ATM: variants seen among roughly 807,000 people sequenced by gnomAD.
ATM encodes serine-protein kinase ATM.
A neutral mutation model predicts 387.0 loss-of-function variants in ATM; 308 were observed. That is an observed-to-expected ratio of 0.80 (90% CI 0.73 to 0.87). The LOEUF (loss-of-function observed/expected upper bound fraction) is 0.87, where lower values mean the gene tolerates loss of function less well. ATM is among the 40% of genes least tolerant of loss of function. ATM has a pLI of 0.00. For missense variants in ATM, 3,312 were observed against 3,560.9 expected (o/e 0.93, Z 1.78); for synonymous variants, 1,156 against 1,187.3 (o/e 0.97, Z 0.54).
intron 4 of ATM, among the ~76,000 whole-genome samples, chr11:108,232,311 C>CT (rs2079053434): frequency 6.6e-6 from 1 of 152,072 alleles, no homozygotes; most frequent in South Asian, 2.1e-4. Flanking sequence ...CAGGGAGTTA[C>CT]TATTCCCTCA....
Position 108,335,945 on chromosome 11 carries a change from C to T in ATM, c.8252C>T (p.Thr2751Ile). The T allele has an allele frequency of 6.2e-7, 1 of 1,609,342 alleles. No homozygotes were observed. The highest frequency in any genetic ancestry group is 1.1e-5 in the South Asian group (1 of 90,972). ...RNTETRKRKLTICTYKVVPLS... is the reference protein window; with the variant it reads ...RNTETRKRKLIICTYKVVPLS... ...ACGGAAACTAGGAAGAGGAAATTAA[C>T]TATCTGTACTTATAAGGTAACTATT... Residue 2751 changes from threonine to isoleucine, a missense_variant, in exon 56 of 63, where the codon ACT (threonine) becomes ATT (isoleucine). By Grantham distance (89) the Thr-to-Ile change is moderately conservative. Coordinates refer to ENST00000675843, the MANE Select transcript of ATM (RefSeq NM_000051.4).
rs1555110591 is a variant in ATM at position 108,310,315 on chromosome 11, G to A, written c.5918G>A (p.Arg1973Lys). Residue 1973 changes from arginine (R) to lysine (K), a missense_variant and splice_region_variant, in exon 39 of 63, where the codon AGA becomes AAA. By Grantham distance (26) the Arg-to-Lys change is conservative (BLOSUM62 2). Transcript: ENST00000675843. ...DKKSMDDQEKRSLAFEEGSQS... is the reference protein window; with the variant it reads ...DKKSMDDQEKKSLAFEEGSQS... ...AAAAGTATGGATGATCAAGAGAAAA[G>A]GTAATGGAATTTAGAATTTTTGGTT... 1.2e-6 allele frequency: 2 copies of A among 1,612,370 alleles called. No homozygotes were observed. The highest frequency in any genetic ancestry group is 2.2e-5 in the East Asian group (1 of 44,746).
At position 108,235,852 on chromosome 11, in the gene ATM, T is replaced by A. The variant is rs762171014; in HGVS notation, c.496+18T>A. 2.6e-5 allele frequency: 42 copies of A among 1,613,436 alleles called. No homozygotes were observed. The highest frequency in any genetic ancestry group is 1.6e-4 in the Middle Eastern group (1 of 6,074). On this transcript the variant is annotated intron_variant, in intron 5 of 62. Transcript: ENST00000675843. ...GTGGTTAGGTATGTTTTGAAGGTTGTTGTTTGTGAATTTTTCCTCATGAAA... is the reference window on the plus strand; with the variant it reads ...GTGGTTAGGTATGTTTTGAAGGTTGATGTTTGTGAATTTTTCCTCATGAAA...
chr11:108,360,068 AAG>A lies in ATM; in HGVS notation c.8851-5008_8851-5007del, dbSNP rs879403981. ...CCGCTAGCAAGACTAATAAAGAAAAAAGAGAGAAGAATCAAATAGACACAATA... is the reference window on the plus strand; with the variant it reads ...CCGCTAGCAAGACTAATAAAGAAAAAAGAGAAGAATCAAATAGACACAATA... On this transcript the variant is annotated intron_variant, in intron 61 of 62. Transcript: ENST00000675843. 1.2e-4 allele frequency among the ~76,000 whole-genome samples: 18 copies of A among 151,976 alleles called. No homozygotes were observed. In the East Asian group the frequency reaches 3.5e-3, roughly 29 times the overall value.
intron 48 of ATM, among the ~76,000 whole-genome samples, 177 bp from the exon 49 acceptor site, chr11:108,328,844 C>G (rs2085953732): frequency 6.6e-6 from 1 of 152,168 alleles, no homozygotes; most frequent in African/African-American, 2.4e-5. Flanking sequence ...CAAAGCCGTC[C>G]TGGGCCACAT....
intron 55 of ATM, chr11:108,335,334 A>G (rs967789593): frequency 2.9e-6 from 4 of 1,397,734 alleles, no homozygotes; most frequent in Non-Finnish European, 3.8e-6. Context: ...CAAGTAAAAG[A>G]ATACCATTAA....
chr11:108,293,625 C>A, intron 31 of ATM, 148 bp downstream of exon 31: 2 of 728,124 alleles, frequency 2.7e-6, no homozygotes, highest in Non-Finnish European at 4.4e-6. Context: ...TTGGCTCATG[C>A]CTATAATCTC....
In ATM at chr11:108,317,389, G is replaced by C. The variant is rs1183544857; in HGVS notation, c.6215G>C (p.Gly2072Ala). 6 of 1,611,584 alleles carry C rather than the reference G, an allele frequency of 3.7e-6. No homozygotes were observed. In the African/African-American group the frequency reaches 5.4e-5, roughly 14 times the overall value. ...AGIIQALQNL[G>A]LCHILSVYLK... ...CCTGTTTAGGCCTTGCAGAATTTGG[G>C]ACTCTGCCATATTCTTTCCGTCTAT... Residue 2072 changes from glycine (G) to alanine (A), a missense_variant, in exon 43 of 63, where the codon GGA (glycine) becomes GCA (alanine). Physicochemically the swap from Gly to Ala is moderately conservative, Grantham distance 60. Around this residue, in one of 4 missense-constraint regions of ATM, gnomAD observed 1,405 missense variants for 1,604.4 expected, o/e 0.88. Coordinates refer to ENST00000675843, the MANE Select transcript of ATM (RefSeq NM_000051.4).
At chr11:108,232,837 A>G (rs2079082611) in intron 4 of ATM, among the ~76,000 whole-genome samples, 1 of 149,300 alleles carries the variant, frequency 6.7e-6, no homozygotes, top group African/African-American at 2.5e-5. Flanking sequence ...CACCACACTC[A>G]CACACCCAGC....
At chr11:108,243,929 T>G (rs1342855991) in intron 5 of ATM, 24 bp from the exon 6 acceptor site, 1 of 1,501,148 alleles carries the variant, frequency 6.7e-7, no homozygotes. Flanking sequence ...AAATCATGAC[T>G]AATAATTTTT....
At chr11:108,278,394 G>A (rs906219655) in intron 22 of ATM, among the ~76,000 whole-genome samples, 3 of 151,948 alleles carry the variant, frequency 2.0e-5, no homozygotes, top group South Asian at 2.1e-4. Flanking sequence ...GTAATAAGGC[G>A]GCAGTGTAGT....
At position 108,317,507 on chromosome 11, in the gene ATM, T is replaced by C. The variant is rs55756349; in HGVS notation, c.6333T>C (p.His2111=). The change falls in exon 43 of 63, where the codon CAT becomes CAC. Residue 2111 remains histidine (H), a synonymous_variant. Transcript: ENST00000675843. The stretch of plus-strand genomic sequence containing the variant: ...CATGGAGGAATATGCAGTGGGACCA[T>C]TGCACTTCCGTCAGGTAAGAAATTT... ...QAAWRNMQWD[H]CTSVSKEVEG... The C allele has an allele frequency of 3.7e-5, 59 of 1,609,828 alleles. No individual in the cohort carries two copies. In the East Asian group the frequency reaches 4.0e-4, roughly 11 times the overall value.
intron 61 of ATM, among the ~76,000 whole-genome samples, chr11:108,358,920 G>A (rs987778941): frequency 3.3e-5 from 5 of 151,632 alleles, no homozygotes; most frequent in African/African-American, 1.2e-4. Context: ...ACATCATAAT[G>A]ACAGGATCAA....
At chr11:108,252,791 G>A in intron 11 of ATM, 26 bp from the exon 12 acceptor site, 1 of 1,503,842 alleles carries the variant, frequency 6.6e-7, no homozygotes, top group Non-Finnish European at 9.2e-7. Flanking sequence ...GGTCTTCTAA[G>A]TGAAGCTTTT....
chr11:108,241,277 T>G (rs1275670955), intron 5 of ATM, among the ~76,000 whole-genome samples: 1 of 152,186 alleles, frequency 6.6e-6, no homozygotes, highest in Non-Finnish European at 1.5e-5. Flanking sequence ...CTGTTTTGTT[T>G]TGTTTTGTTT....
Position 108,281,008 on chromosome 11 carries a change from A to T in ATM, c.3416A>T (p.Glu1139Val), listed in dbSNP as rs2135665578. The T allele has an allele frequency of 1.2e-6, 2 of 1,611,988 alleles. No individual in the cohort carries two copies. The highest frequency in any genetic ancestry group is 1.7e-6 in the Non-Finnish European group (2 of 1,178,470). The change falls in exon 24 of 63, where the codon GAG becomes GTG. Residue 1139 changes from glutamate to valine, a missense_variant. Coordinates refer to ENST00000675843, the MANE Select transcript of ATM (RefSeq NM_000051.4). ...EGMREMSHSA[E>V]NPETLDEIYN... ...TTTCTTTTTAAGTCCCATAGTGCTG[A>T]GAACCCTGAAACTTTGGATGAAATT...
At chr11:108,241,716 TTCTTTCTTTCTG>T (rs1415579042) in intron 5 of ATM, among the ~76,000 whole-genome samples, 5 of 150,728 alleles carry the variant, frequency 3.3e-5, no homozygotes, top group African/African-American at 1.2e-4. Context: ...GTCTTTCTCT[TTCTTTCTTTCTG>T]TCTTTCTTTC....
At chr11:108,239,512 G>A (rs1257793896) in intron 5 of ATM, among the ~76,000 whole-genome samples, 2 of 152,144 alleles carry the variant, frequency 1.3e-5, no homozygotes, top group African/African-American at 4.8e-5. Context: ...ATTCTGTTCT[G>A]TGTATATGCC....
chr11:108,226,176 G>T (rs1374975108), intron 1 of ATM: 6 of 151,954 alleles, frequency 3.9e-5, no homozygotes, highest in Non-Finnish European at 5.9e-5. Context: ...TCTGTGGGTA[G>T]ATGTGCGGGT....
Sources: allele counts gnomAD v4.1 joint callset (sites outside exome capture counted in the v4.1 genomes callset), GRCh38; gene constraint gnomAD v4.1.1; regional missense constraint gnomAD v4.1.1; transcripts MANE v1.5; gene names NCBI Gene and HGNC (gene_info 2026-07-23, HGNC 2026-07-21).